MTARC1: variants seen among roughly 807,000 people sequenced by gnomAD.
The protein encoded by MTARC1 is mitochondrial amidoxime-reducing component 1.
Under a neutral mutation model 33.6 loss-of-function variants are expected in MTARC1, and 24 were observed. That is an observed-to-expected ratio of 0.72 (90% confidence interval 0.52 to 1.01). The LOEUF (loss-of-function observed/expected upper bound fraction) is 1.01. Among genes scored for constraint, MTARC1 ranks in the 50% least tolerant of loss-of-function variants. The pLI is 0.00. For missense variants in MTARC1, 417 were observed against 445.7 expected (o/e 0.94, Z 0.58); for synonymous variants, 187 against 189.5 (o/e 0.99, Z 0.11).
chr1:220,808,978 C>CA (rs34579579), intron 6 of MTARC1: 17,487 of 326,568 alleles, frequency 0.054, 13 homozygotes, highest in South Asian at 0.12. Flanking sequence ...CATGGGTACT[C>CA]AAAAAAAAAA....
At chr1:220,803,745 TAAC>T (rs902499228) in intron 4 of MTARC1, among the ~76,000 whole-genome samples, 1 of 152,124 alleles carries the variant, frequency 6.6e-6, no homozygotes, top group Non-Finnish European at 1.5e-5. Context: ...TAATTAATAA[TAAC>T]TTAATTTCCT....
At chr1:220,804,279 C>T (rs879883126) in intron 4 of MTARC1, among the ~76,000 whole-genome samples, 1 of 152,192 alleles carries the variant, frequency 6.6e-6, no homozygotes, top group Non-Finnish European at 1.5e-5. Flanking sequence ...AGAGTCATGC[C>T]TCTGAATCCC....
intron 1 of MTARC1, 25 bp downstream of exon 1, chr1:220,787,244 CA>C: frequency 6.5e-7 from 1 of 1,545,670 alleles, no homozygotes; most frequent in Non-Finnish European, 8.7e-7. Flanking sequence ...CGGCGCGGGG[CA>C]GCGCTGATCC....
At chr1:220,797,510 T>C (rs1373995192) in intron 3 of MTARC1, among the ~76,000 whole-genome samples, 5 of 152,208 alleles carry the variant, frequency 3.3e-5, no homozygotes, top group Admixed American at 1.3e-4. Flanking sequence ...TAAGTATTCA[T>C]GGAATTAGTG....
chr1:220,808,017 G>A (rs1340057120), intron 6 of MTARC1, among the ~76,000 whole-genome samples: 4 of 152,082 alleles, frequency 2.6e-5, no homozygotes, highest in Admixed American at 6.5e-5. Context: ...AGAAATAGAT[G>A]ATTCTGTGTA....
chr1:220,806,161 A>C (rs1461212240), intron 6 of MTARC1, among the ~76,000 whole-genome samples: 2 of 152,212 alleles, frequency 1.3e-5, no homozygotes, highest in Admixed American at 1.3e-4. Flanking sequence ...TTTAGCATAC[A>C]AGCACTTCAG....
chr1:220,811,136 C>T (rs1408787158), intron 6 of MTARC1, among the ~76,000 whole-genome samples: 1 of 152,152 alleles, frequency 6.6e-6, no homozygotes, highest in African/African-American at 2.4e-5. Flanking sequence ...TCCCCTGTTC[C>T]TGAAGAGGTC....
At chr1:220,808,058 T>C (rs1169096456) in intron 6 of MTARC1, among the ~76,000 whole-genome samples, 3 of 152,190 alleles carry the variant, frequency 2.0e-5, no homozygotes, top group South Asian at 4.1e-4. Context: ...GAATTGGCTG[T>C]CATCCTTTTT....
chr1:220,791,679 G>A lies in MTARC1; in HGVS notation c.449+15G>A, dbSNP rs770620801. ...CACAAGTGCAGGTAAGGAAAGGGCA[G>A]GTCGTAGCCCTTGTGTGAATGAATA... On this transcript the variant is annotated intron_variant, in intron 2 of 6. Coordinates refer to ENST00000366910, the MANE Select transcript of MTARC1 (RefSeq NM_022746.4). 6 of 1,609,918 alleles carry A rather than the reference G, an allele frequency of 3.7e-6. No individual in the cohort carries two copies. The East Asian group carries it at 8.9e-5, about 24-fold the overall frequency.
At chr1:220,804,991 T>C in intron 4 of MTARC1, 61 bp from the exon 5 acceptor site, 2 of 1,577,990 alleles carry the variant, frequency 1.3e-6, no homozygotes, top group Non-Finnish European at 1.7e-6. Context: ...GGGAAATCTC[T>C]ACACACGTGT....
At chr1:220,811,591 T>G (rs1400930776) in intron 6 of MTARC1, among the ~76,000 whole-genome samples, 1 of 152,074 alleles carries the variant, frequency 6.6e-6, no homozygotes, top group Admixed American at 6.5e-5. Flanking sequence ...TCACTTTTTT[T>G]TAAAGCAAGG....
At chr1:220,798,254 A>G in intron 4 of MTARC1, 1 of 1,428,678 alleles carries the variant, frequency 7.0e-7, no homozygotes, top group South Asian at 1.2e-5. Context: ...TAAGGCTTCT[A>G]AGGAGAATTC....
intron 4 of MTARC1, among the ~76,000 whole-genome samples, chr1:220,799,931 G>A (rs1347676288): frequency 2.0e-5 from 3 of 152,222 alleles, no homozygotes; most frequent in African/African-American, 7.2e-5. Flanking sequence ...TTGTGGAAAA[G>A]TTCTAGGACA....
chr1:220,787,290 A>C, intron 1 of MTARC1, 71 bp downstream of exon 1: 1 of 1,462,616 alleles, frequency 6.8e-7, no homozygotes, highest in Non-Finnish European at 9.0e-7. Context: ...GGAGGAGCGC[A>C]GGGGAGGTCT....
intron 4 of MTARC1, chr1:220,799,155 A>T: frequency 1.0e-6 from 1 of 985,438 alleles, no homozygotes; most frequent in Non-Finnish European, 1.2e-6. Context: ...AGCAATATCA[A>T]TCGATGGAGG....
chr1:220,812,276 A>G (rs1393649091), intron 6 of MTARC1, among the ~76,000 whole-genome samples: 1 of 152,246 alleles, frequency 6.6e-6, no homozygotes, highest in Admixed American at 6.5e-5. Flanking sequence ...GGGGCCAGGT[A>G]GAGCCCTACA....
At position 220,810,715 on chromosome 1, in the gene MTARC1, A is replaced by G. The variant is rs557944570; in HGVS notation, c.888-2577A>G. ...GGATAGGTGAAAAATGTAAGTGGCT[A>G]GAAATTGGTGTAGGTGACTAAATTG... On this transcript the variant is annotated intron_variant, in intron 6 of 6. Coordinates refer to ENST00000366910, the MANE Select transcript of MTARC1 (RefSeq NM_022746.4). Among the ~76,000 whole-genome samples, 3 of 151,378 alleles carry G rather than the reference A, an allele frequency of 2.0e-5. No homozygotes were observed. In the South Asian group the frequency reaches 6.2e-4, roughly 31 times the overall value.
chr1:220,813,547 C>T lies in MTARC1; in HGVS notation c.*129C>T, dbSNP rs888546201. The T allele has an allele frequency of 9.1e-6, 12 of 1,318,560 alleles. No homozygotes were observed. The highest frequency in any genetic ancestry group is 3.0e-5 in the South Asian group (2 of 67,186). The allele number at this position is 1,318,560 out of a possible 1,614,324, so 81.7% of individuals were successfully genotyped here. ...TTAAATTTGTGATTTTCACATTTTT[C>T]GTCTTTTGGACTTCTGGTGTCTCAA... On this transcript the variant is annotated 3_prime_UTR_variant, in exon 7 of 7. Coordinates refer to ENST00000366910, the MANE Select transcript of MTARC1 (RefSeq NM_022746.4).
At chr1:220,789,289 G>A (rs1672348738) in intron 1 of MTARC1, among the ~76,000 whole-genome samples, 1 of 152,150 alleles carries the variant, frequency 6.6e-6, no homozygotes, top group African/African-American at 2.4e-5. Flanking sequence ...AAAGACACTC[G>A]GCTTGTGAGG....
Sources: gnomAD v4.1 joint callset for allele counts (sites outside exome capture counted in the v4.1 genomes callset) on GRCh38, gnomAD v4.1.1 for gene constraint, MANE v1.5 for transcripts, NCBI Gene and HGNC (gene_info 2026-07-23, HGNC 2026-07-21) for gene names.